The following LRRK2 variants were observed in gnomAD, a reference collection of about 807,000 sequenced individuals.
The protein encoded by LRRK2 is leucine-rich repeat serine/threonine-protein kinase 2.
A neutral mutation model predicts 302.6 loss-of-function variants in LRRK2; 203 were observed. The ratio of observed to expected loss-of-function variants is 0.67; its 90% CI spans 0.60 to 0.75. LRRK2 has a LOEUF of 0.75. LRRK2 is among the 30% of genes least tolerant of loss of function. LRRK2 has a pLI of 0.00. For synonymous variants in LRRK2, 1,066 were observed against 1,031.9 expected, an observed-to-expected ratio of 1.03 and a Z score of -0.63; for missense variants, 2,830 against 2,951.0, an observed-to-expected ratio of 0.96 and a Z score of 0.95.
In LRRK2 at chr12:40,259,710, C is replaced by T. The variant is rs186405070; in HGVS notation, c.1543+106C>T. The T allele has an allele frequency of 9.9e-4, 1,378 of 1,394,264 alleles. 17 individuals carry two copies. Among genetic ancestry groups the T allele is most frequent in the African/African-American group, 4.6e-4 (32 of 69,928 alleles). 86.4% of individuals were successfully genotyped at this position (1,394,264 alleles called of 1,614,324 possible). A position where few individuals can be genotyped will look rare whatever the true frequency, so the allele number is the denominator to read the frequency against. On this transcript the variant is annotated intron_variant, in intron 13 of 50. Coordinates refer to ENST00000298910, the MANE Select transcript of LRRK2 (RefSeq NM_198578.4). Reference sequence around the variant, plus strand: ...CAAATATTAAAAGACTAGTTTCTGTCGACTAAATGTAAATCTTTCTGTTAA... The same window carrying T: ...CAAATATTAAAAGACTAGTTTCTGTTGACTAAATGTAAATCTTTCTGTTAA...
chr12:40,247,948 G>A (rs985477575), intron 7 of LRRK2, among the ~76,000 whole-genome samples: 2 of 151,586 alleles, frequency 1.3e-5, no homozygotes, highest in South Asian at 2.1e-4. Context: ...AAGCAGTAAG[G>A]GATGAAATCA....
intron 20 of LRRK2, 38 bp from the exon 21 acceptor site, chr12:40,293,506 TG>T (rs1565720356): frequency 7.8e-7 from 1 of 1,287,258 alleles, no homozygotes; most frequent in Admixed American, 1.8e-5. Context: ...GTAAGCTTTT[TG>T]TATTCACCTT....
intron 45 of LRRK2, 105 bp from the exon 46 acceptor site, chr12:40,356,010 G>C: frequency 2.8e-6 from 2 of 708,602 alleles, no homozygotes; most frequent in Non-Finnish European, 4.9e-6. Flanking sequence ...GGAATTTATA[G>C]TTGAGAAGTC....
intron 3 of LRRK2, 96 bp downstream of exon 3, chr12:40,232,479 A>G: frequency 3.4e-6 from 3 of 888,148 alleles, no homozygotes; most frequent in Non-Finnish European, 5.6e-6. Context: ...ATCCAAGGCT[A>G]CTCCTGTGGA....
chr12:40,265,362 G>A (rs1215038614), intron 14 of LRRK2, among the ~76,000 whole-genome samples: 4 of 152,192 alleles, frequency 2.6e-5, no homozygotes, highest in African/African-American at 9.6e-5. Context: ...CAGAGGAGAT[G>A]CAGCATCGAG....
intron 47 of LRRK2, among the ~76,000 whole-genome samples, chr12:40,359,731 T>C (rs887489435): frequency 6.6e-6 from 1 of 152,158 alleles, no homozygotes; most frequent in Non-Finnish European, 1.5e-5. Context: ...ATTTTTATTA[T>C]CTGTGTTTCA....
chr12:40,352,848 T>C (rs1408026359), intron 44 of LRRK2, among the ~76,000 whole-genome samples: 1 of 152,146 alleles, frequency 6.6e-6, no homozygotes, highest in Non-Finnish European at 1.5e-5. Flanking sequence ...TGGAGTCTCC[T>C]ATGTCTACTT....
chr12:40,284,696 C>T (rs1943847390), intron 19 of LRRK2, among the ~76,000 whole-genome samples: 1 of 152,080 alleles, frequency 6.6e-6, no homozygotes, highest in African/African-American at 2.4e-5. Flanking sequence ...TCTTCTGACA[C>T]TATTTTTATC....
At position 40,249,923 on chromosome 12, in the gene LRRK2, G is replaced by T. The variant is rs41286466; in HGVS notation, c.936G>T (p.Ala312=). The change falls in exon 8 of 51, where the codon GCG becomes GCT. Residue 312 remains alanine, a synonymous_variant. Coordinates refer to ENST00000298910, the MANE Select transcript of LRRK2 (RefSeq NM_198578.4). The part of the protein sequence containing the change: ...YPENAALQIS[A]LSCLALLTET... ...AGAATGCAGCATTGCAGATCTCAGC[G>T]CTCAGCTGTTTGGCCCTCCTCAGTA... The T allele has an allele frequency of 1.6e-3, 2,645 of 1,613,700 alleles. 16 individuals are homozygous for T. The highest frequency in any genetic ancestry group is 6.0e-3 in the South Asian group (544 of 91,070).
In LRRK2 at chr12:40,313,971, G is replaced by A. The variant is rs2079753882; in HGVS notation, c.4537-1G>A. The stretch of plus-strand genomic sequence containing the variant: ...ACGGCTTGTCATTTGTAATTTCATA[G>A]ATCCGAGATCAGCTTGTTGTTGGAC... On this transcript the variant is annotated splice_acceptor_variant, in intron 31 of 50. Coordinates refer to ENST00000298910, the MANE Select transcript of LRRK2 (RefSeq NM_198578.4). LOFTEE classifies it high-confidence loss of function. 1.2e-6 allele frequency: 2 copies of A among 1,609,570 alleles called. No homozygotes were observed. The highest frequency in any genetic ancestry group is 4.5e-5 in the East Asian group (2 of 44,764).
At chr12:40,365,688 T>C (rs1445430380) in intron 49 of LRRK2, 2 of 151,914 alleles carry the variant, frequency 1.3e-5, no homozygotes, top group Non-Finnish European at 2.9e-5. Context: ...AAAACGACAC[T>C]ATGGGGTTTA....
chr12:40,351,678 C>A lies in LRRK2; in HGVS notation c.6521C>A (p.Thr2174Asn). The A allele has an allele frequency of 6.2e-7, 1 of 1,614,168 alleles. No individual in the cohort carries two copies. Among genetic ancestry groups the A allele is most frequent in the Non-Finnish European group, 8.5e-7 (1 of 1,180,036 alleles). ...AGCATTTGGCTGGGCTGTGGGCACA[C>A]CGACAGAGGACAGCTCTCATTTCTT... is the stretch of plus-strand genomic sequence containing the variant. The part of the protein sequence containing the change: ...NASIWLGCGH[T>N]DRGQLSFLDL... The change falls in exon 44 of 51, where the codon ACC (threonine) becomes AAC (asparagine). Residue 2174 changes from threonine (T) to asparagine (N), a missense_variant. By Grantham distance (65) the Thr-to-Asn change is moderately conservative. Coordinates refer to ENST00000298910, the MANE Select transcript of LRRK2 (RefSeq NM_198578.4).
chr12:40,331,583 G>A (rs1044165284), intron 39 of LRRK2, among the ~76,000 whole-genome samples: 1 of 111,948 alleles, frequency 8.9e-6, no homozygotes, highest in African/African-American at 3.3e-5. Context: ...TAGCTGATGA[G>A]CTTAAAAAAA....
At chr12:40,321,610 A>T (rs1192891582) in intron 35 of LRRK2, among the ~76,000 whole-genome samples, 1 of 152,096 alleles carries the variant, frequency 6.6e-6, no homozygotes, top group African/African-American at 2.4e-5. Flanking sequence ...TGGGGATTAA[A>T]ATTAGCTTTA....
At chr12:40,259,089 G>C (rs138440606) in intron 12 of LRRK2, among the ~76,000 whole-genome samples, 66 of 152,304 alleles carry the variant, frequency 4.3e-4, no homozygotes, top group African/African-American at 1.6e-3. Context: ...CTTGGGGTCA[G>C]ACAAGTTTGG....
intron 28 of LRRK2, among the ~76,000 whole-genome samples, chr12:40,306,665 C>G (rs1944837001): frequency 6.6e-6 from 1 of 152,162 alleles, no homozygotes; most frequent in South Asian, 2.1e-4. Flanking sequence ...TAATATCCAC[C>G]AAGGCAGAGA....
chr12:40,255,407 A>C (rs1942456893), intron 11 of LRRK2, among the ~76,000 whole-genome samples: 1 of 152,198 alleles, frequency 6.6e-6, no homozygotes, highest in Non-Finnish European at 1.5e-5. Context: ...GATGAGATCA[A>C]GAGTATTACG....
At chr12:40,340,219 A>G in intron 40 of LRRK2, 75 bp from the exon 41 acceptor site, 1 of 1,483,722 alleles carries the variant, frequency 6.7e-7, no homozygotes, top group Non-Finnish European at 9.3e-7. Context: ...GGACATTTAT[A>G]TTTAAGGAAA....
intron 44 of LRRK2, 124 bp from the exon 45 acceptor site, chr12:40,354,175 T>A (rs1345000209): frequency 2.5e-6 from 2 of 792,178 alleles, no homozygotes; most frequent in Non-Finnish European, 4.0e-6. Flanking sequence ...ATTGGCATTG[T>A]TTTTAAAAGT....
Sources: allele counts gnomAD v4.1 joint callset (sites outside exome capture counted in the v4.1 genomes callset), GRCh38; gene constraint gnomAD v4.1.1; transcripts MANE v1.5; gene names NCBI Gene and HGNC (gene_info 2026-07-23, HGNC 2026-07-21).